The following ARHGEF7 variants were observed in gnomAD, a reference collection of about 807,000 sequenced individuals.
ARHGEF7 encodes the protein PAK-interacting exchange factor beta.
Under a neutral mutation model 109.8 loss-of-function variants are expected in ARHGEF7, and 33 were observed. The ratio of observed to expected loss-of-function variants is 0.30; its 90% CI spans 0.23 to 0.40. The LOEUF is 0.40. Among genes scored for constraint, ARHGEF7 ranks in the 10% least tolerant of loss-of-function variants. The pLI, the probability that ARHGEF7 is intolerant of heterozygous loss-of-function variation, is 1.00. For missense variants in ARHGEF7, 938 were observed against 1,098.5 expected (o/e 0.85, Z 2.07); for synonymous variants, 458 against 424.6 (o/e 1.08, Z -0.97).
intron 15 of ARHGEF7, chr13:111,280,981 T>G (rs1392686441): frequency 4.1e-6 from 1 of 241,822 alleles, no homozygotes; most frequent in Non-Finnish European, 7.9e-6. Context: ...AGTTTTACAC[T>G]CAACTATAGA....
intron 2 of ARHGEF7, chr13:111,159,168 C>T: frequency 1.4e-6 from 1 of 695,518 alleles, no homozygotes; most frequent in Non-Finnish European, 2.7e-6. Flanking sequence ...TTTCTCTTAG[C>T]ACAATGTTCT....
At chr13:111,171,579 A>T (rs952593230) in intron 2 of ARHGEF7, among the ~76,000 whole-genome samples, 1 of 152,200 alleles carries the variant, frequency 6.6e-6, no homozygotes, top group African/African-American at 2.4e-5. Flanking sequence ...TATGTGTTCA[A>T]TTTGCATGAG....
At chr13:111,150,647 T>C (rs1035984843) in intron 1 of ARHGEF7, among the ~76,000 whole-genome samples, 3 of 152,226 alleles carry the variant, frequency 2.0e-5, no homozygotes, top group African/African-American at 4.8e-5. Flanking sequence ...TAATCAATAA[T>C]GCTGCGTATA....
In ARHGEF7 at chr13:111,283,223, C is replaced by T; in HGVS notation, c.1810C>T (p.His604Tyr). The T allele has an allele frequency of 6.3e-7, 1 of 1,593,368 alleles. No homozygotes were observed. Among genetic ancestry groups the T allele is most frequent in the Non-Finnish European group, 8.5e-7 (1 of 1,171,790 alleles). Residue 604 changes from histidine to tyrosine, a missense_variant, in exon 16 of 22, where the codon CAC (histidine) becomes TAC (tyrosine). Transcript: ENST00000646102. ...PLTPAYHTLPHPSHHGTPHTT... is the reference protein window; with the variant it reads ...PLTPAYHTLPYPSHHGTPHTT... ...GACGCCCGCCTACCACACGCTGCCCCACCCCTCCCACCACGGCACCCCGCA... is the reference window on the plus strand; with the variant it reads ...GACGCCCGCCTACCACACGCTGCCCTACCCCTCCCACCACGGCACCCCGCA...
chr13:111,176,637 G>A (rs561725458), intron 2 of ARHGEF7, among the ~76,000 whole-genome samples: 21 of 152,360 alleles, frequency 1.4e-4, no homozygotes, highest in African/African-American at 5.0e-4. Flanking sequence ...ACCATGATGA[G>A]TGGGACCCCC....
At chr13:111,172,304 G>A (rs979436822) in intron 2 of ARHGEF7, among the ~76,000 whole-genome samples, 1 of 151,214 alleles carries the variant, frequency 6.6e-6, no homozygotes, top group Admixed American at 6.6e-5. Flanking sequence ...ATCCCTAAAC[G>A]AAATAAATTC....
At chr13:111,242,907 G>T (rs762544747) in intron 6 of ARHGEF7, among the ~76,000 whole-genome samples, 13 of 152,214 alleles carry the variant, frequency 8.5e-5, no homozygotes, top group Non-Finnish European at 1.9e-4. Context: ...GGCCTTTGCT[G>T]CAGTGATAGC....
intron 1 of ARHGEF7, among the ~76,000 whole-genome samples, chr13:111,150,792 G>A (rs369718790): frequency 2.0e-5 from 3 of 151,444 alleles, no homozygotes; most frequent in African/African-American, 7.4e-5. Context: ...GACGAGAGAT[G>A]TAGTATTGGG....
intron 8 of ARHGEF7, among the ~76,000 whole-genome samples, chr13:111,264,877 C>T (rs911327450): frequency 6.6e-6 from 1 of 152,148 alleles, no homozygotes; most frequent in African/African-American, 2.4e-5. Context: ...TTGACATCTA[C>T]ATATTGCTAT....
intron 2 of ARHGEF7, among the ~76,000 whole-genome samples, chr13:111,177,334 T>C (rs2078267499): frequency 1.3e-5 from 2 of 152,222 alleles, no homozygotes; most frequent in Admixed American, 6.5e-5. Flanking sequence ...TATCGTCCTT[T>C]TGTCCCTCTA....
chr13:111,130,265 T>G (rs1170309418), intron 1 of ARHGEF7, among the ~76,000 whole-genome samples: 1 of 152,212 alleles, frequency 6.6e-6, no homozygotes, highest in African/African-American at 2.4e-5. Context: ...ACCTTGCCTC[T>G]TGTGACAGTT....
chr13:111,196,564 G>A (rs1005632025), intron 2 of ARHGEF7, among the ~76,000 whole-genome samples: 2 of 152,208 alleles, frequency 1.3e-5, no homozygotes, highest in African/African-American at 4.8e-5. Flanking sequence ...AAGGGGACAT[G>A]TACCCAGCTT....
rs377149612 is a variant in ARHGEF7, at chr13:111,293,914, C to T, written c.2311+1620C>T. 15 of 985,350 alleles carry T rather than the reference C, an allele frequency of 1.5e-5. No homozygotes were observed. In the East Asian group the frequency reaches 9.1e-4, roughly 60 times the overall value. The allele number at this position is 985,350 out of a possible 1,614,324, so 61.0% of individuals were successfully genotyped here. On this transcript the variant is annotated intron_variant, in intron 19 of 21. Coordinates refer to ENST00000646102, the MANE Select transcript of ARHGEF7 (RefSeq NM_001354046.2). ...CCCAGAGCTGCCAGGGAGCTCCTGG[C>T]AGTAGCACGTTGTTTAGAAAGTTGG...
chr13:111,240,560 G>T (rs138458761), intron 6 of ARHGEF7, among the ~76,000 whole-genome samples: 66 of 152,268 alleles, frequency 4.3e-4, no homozygotes, highest in African/African-American at 1.5e-3. Context: ...CCTCCTTTCC[G>T]TGGAGTCAGA....
rs1020351870 is a variant in ARHGEF7 at position 111,218,014 on chromosome 13, T to G, written c.670+134T>G. On this transcript the variant is annotated intron_variant, in intron 5 of 21. Transcript: ENST00000646102. ...TCTTAGGATACAGTTTTTTGTTAGA[T>G]GTAATGGATTTTCACCTCAGCCCCA... The G allele has an allele frequency of 8.8e-6, 8 of 907,674 alleles. No individual in the cohort carries two copies. In the Admixed American group the frequency reaches 2.5e-4, roughly 28 times the overall value. The allele number at this position is 907,674 out of a possible 1,614,324, so 56.2% of individuals were successfully genotyped here. A position where few individuals can be genotyped will look rare whatever the true frequency, so the allele number is the denominator to read the frequency against.
chr13:111,253,770 C>T (rs943371799), intron 8 of ARHGEF7, among the ~76,000 whole-genome samples: 12 of 152,146 alleles, frequency 7.9e-5, no homozygotes, highest in African/African-American at 2.9e-4. Context: ...TGGGTGCTTT[C>T]CCCACCCCGG....
chr13:111,141,921 C>CAAAA (rs2075367851), intron 1 of ARHGEF7, among the ~76,000 whole-genome samples: 1 of 152,228 alleles, frequency 6.6e-6, no homozygotes, highest in South Asian at 2.1e-4. Flanking sequence ...CTTCTAGTGG[C>CAAAA]TGCACCATTT....
intron 2 of ARHGEF7, among the ~76,000 whole-genome samples, chr13:111,168,467 CTT>C (rs1450689071): frequency 6.6e-6 from 1 of 152,144 alleles, no homozygotes; most frequent in African/African-American, 2.4e-5. Flanking sequence ...CCTTCCATGT[CTT>C]TATGTTCTCA....
At chr13:111,278,475 G>A (rs2092611441) in intron 13 of ARHGEF7, among the ~76,000 whole-genome samples, 3 of 152,172 alleles carry the variant, frequency 2.0e-5, no homozygotes, top group African/African-American at 2.4e-5. Flanking sequence ...CAGCAAGGAC[G>A]TTCAAGATCC....
Sources: allele counts gnomAD v4.1 joint callset (sites outside exome capture counted in the v4.1 genomes callset), GRCh38; gene constraint gnomAD v4.1.1; transcripts MANE v1.5; gene names NCBI Gene and HGNC (gene_info 2026-07-23, HGNC 2026-07-21).